HPR: variants seen among roughly 807,000 people sequenced by gnomAD.
The protein encoded by HPR is haptoglobin-related protein.
In HPR, 17 loss-of-function variants were observed where a neutral mutation model predicts 18.5. That is an observed-to-expected ratio of 0.92 (90% CI 0.63 to 1.38). HPR has a LOEUF of 1.38. HPR is among the 40% of genes most tolerant of loss of function. The pLI is 0.00. For missense variants in HPR, 457 were observed against 432.4 expected (o/e 1.06, Z -0.51); for synonymous variants, 176 against 165.0 (o/e 1.07, Z -0.51).
intron 1 of HPR, among the ~76,000 whole-genome samples, chr16:72,069,079 T>A (rs1409649901): frequency 6.6e-6 from 1 of 152,168 alleles, no homozygotes; most frequent in Non-Finnish European, 1.5e-5. Flanking sequence ...TCAAGAAAAT[T>A]GCCTAATAAT....
rs2041563196 is a variant in HPR at position 72,063,406 on chromosome 16, T to A, written c.5+146T>A. 5.2e-6 allele frequency: 5 copies of A among 952,548 alleles called. No individual in the cohort carries two copies. In the Admixed American group the frequency reaches 9.3e-5, roughly 18 times the overall value. 59.0% of individuals were successfully genotyped at this position (952,548 alleles called of 1,614,324 possible). A position where few individuals can be genotyped will look rare whatever the true frequency, so the allele number is the denominator to read the frequency against. The stretch of plus-strand genomic sequence containing the variant: ...GAACCAAAGGGCTTAGTGTGTTAAA[T>A]CTTCTCCTTTTCTGCATCCATAGAA... On this transcript the variant is annotated intron_variant, in intron 1 of 4. Coordinates refer to ENST00000540303, the MANE Select transcript of HPR (RefSeq NM_020995.4).
At chr16:72,072,721 C>T (rs1468620797) in intron 1 of HPR, among the ~76,000 whole-genome samples, 1 of 152,120 alleles carries the variant, frequency 6.6e-6, no homozygotes, top group East Asian at 1.9e-4. Flanking sequence ...ATTGAAACAG[C>T]TCTCCCCAAA....
At chr16:72,076,157 G>C in intron 4 of HPR, 146 bp from the exon 5 acceptor site, 1 of 1,464,682 alleles carries the variant, frequency 6.8e-7, no homozygotes, top group Non-Finnish European at 9.1e-7. Context: ...GCAACTATTG[G>C]AAATGAGATC....
At chr16:72,066,848 T>A (rs572450052) in intron 1 of HPR, among the ~76,000 whole-genome samples, 1 of 152,052 alleles carries the variant, frequency 6.6e-6, no homozygotes. Context: ...TCAAAACCAA[T>A]GTTATCTACT....
rs747522776 is a variant in HPR at position 72,076,502 on chromosome 16, G to A, written c.468G>A (p.Ala156=). ...LFLNHSENAT[A]KDIAPTLTLY... is the part of the protein sequence containing the mutation. Reference sequence around the variant, plus strand: ...TGAACCATTCAGAAAATGCAACAGCGAAAGACATTGCCCCTACTTTAACAC... The same window carrying A: ...TGAACCATTCAGAAAATGCAACAGCAAAAGACATTGCCCCTACTTTAACAC... The change falls in exon 5 of 5, where the codon GCG becomes GCA. Residue 156 remains alanine (A), a synonymous_variant. Transcript: ENST00000540303. 2.6e-5 allele frequency: 42 copies of A among 1,614,114 alleles called. 1 individual carries two copies. The South Asian group carries it at 2.7e-4, about 11-fold the overall frequency.
Position 72,074,398 on chromosome 16 carries a change from C to G in HPR, c.193+13C>G. The G allele has an allele frequency of 1.3e-6, 2 of 1,578,608 alleles. No individual in the cohort carries two copies. The highest frequency in any genetic ancestry group is 1.7e-6 in the Non-Finnish European group (2 of 1,147,638). ...ACAGAAGGAGATGGTAAGACCTGGA[C>G]AACTATCTCTGTGCTCTACCTACAA... On this transcript the variant is annotated intron_variant, in intron 3 of 4. Coordinates refer to ENST00000540303, the MANE Select transcript of HPR (RefSeq NM_020995.4).
intron 1 of HPR, among the ~76,000 whole-genome samples, chr16:72,066,502 C>T (rs2041599832): frequency 6.6e-6 from 1 of 152,076 alleles, no homozygotes; most frequent in Non-Finnish European, 1.5e-5. Flanking sequence ...AGAAAACATG[C>T]AGGACCTAAG....
intron 4 of HPR, among the ~76,000 whole-genome samples, chr16:72,075,813 CCTTT>C (rs2041714063): frequency 1.3e-5 from 2 of 151,924 alleles, no homozygotes; most frequent in South Asian, 4.1e-4. Context: ...AGCTCCTAGC[CCTTT>C]CTTTTTTCTT....
chr16:72,063,911 T>G (rs2041569225), intron 1 of HPR, among the ~76,000 whole-genome samples: 1 of 152,014 alleles, frequency 6.6e-6, no homozygotes, highest in Non-Finnish European at 1.5e-5. Context: ...CCCAGCTAAT[T>G]TTTGTATTTT....
chr16:72,071,227 T>C (rs1166791347), intron 1 of HPR, among the ~76,000 whole-genome samples: 2 of 152,140 alleles, frequency 1.3e-5, no homozygotes, highest in East Asian at 1.9e-4. Context: ...AAAGTAACGG[T>C]TGTAAAGGTA....
intron 1 of HPR, among the ~76,000 whole-genome samples, chr16:72,067,602 G>C (rs1343244895): frequency 6.6e-6 from 1 of 152,174 alleles, no homozygotes; most frequent in Admixed American, 6.5e-5. Context: ...ACTGAGGAAA[G>C]CTTCGAATTC....
rs144643298 is a variant in HPR, at chr16:72,075,779, T to C, written c.269-524T>C. Among the ~76,000 whole-genome samples, 766 of 152,278 alleles carry C rather than the reference T, an allele frequency of 5.0e-3. 23 individuals carry two copies. The highest frequency in any genetic ancestry group is 1.4e-3 in the South Asian group (7 of 4,832). ...GCCAATGCTGCTCTAGATTCCTCTT[T>C]CTTCAGAGATGATGAATTATTGTAG... On this transcript the variant is annotated intron_variant, in intron 4 of 4. Transcript: ENST00000540303.
rs1446182968 is a variant in HPR, at chr16:72,074,327, G to A, written c.135G>A (p.Val45=). 1.2e-6 allele frequency: 2 copies of A among 1,613,952 alleles called. No individual in the cohort carries two copies. Among genetic ancestry groups the A allele is most frequent in the African/African-American group, 1.3e-5 (1 of 74,916 alleles). Residue 45 remains valine, a synonymous_variant, in exon 3 of 5, where the codon GTG becomes GTA. Coordinates refer to ENST00000540303, the MANE Select transcript of HPR (RefSeq NM_020995.4). ...PKPPEIANGY[V]EHLFRYQCKN... ...CCCCTGAGATTGCAAATGGCTATGTGGAGCACTTGTTTCGCTACCAGTGTA... is the reference window on the plus strand; with the variant it reads ...CCCCTGAGATTGCAAATGGCTATGTAGAGCACTTGTTTCGCTACCAGTGTA...
intron 1 of HPR, among the ~76,000 whole-genome samples, chr16:72,065,006 C>T (rs556439610): frequency 4.6e-5 from 7 of 152,244 alleles, no homozygotes; most frequent in African/African-American, 1.2e-4. Context: ...TAAGAAATGT[C>T]GCAGGAGTGA....
chr16:72,073,858 C>T (rs2041684983), intron 1 of HPR, 34 bp from the exon 2 acceptor site: 1 of 1,613,382 alleles, frequency 6.2e-7, no homozygotes, highest in Non-Finnish European at 8.5e-7. Flanking sequence ...GCAGGGAGAC[C>T]AGCTTTCCGC....
At chr16:72,071,337 G>C (rs1371275812) in intron 1 of HPR, among the ~76,000 whole-genome samples, 5 of 152,202 alleles carry the variant, frequency 3.3e-5, no homozygotes, top group Non-Finnish European at 7.3e-5. Context: ...AAACAAATAT[G>C]AATGTTATGC....
At position 72,076,879 on chromosome 16, in the gene HPR, G is replaced by A. The variant is rs779934885; in HGVS notation, c.845G>A (p.Cys282Tyr). 5 of 1,614,126 alleles carry A rather than the reference G, an allele frequency of 3.1e-6. No individual in the cohort carries two copies. The highest frequency in any genetic ancestry group is 4.5e-5 in the East Asian group (2 of 44,900). ...VQPILNEHTF[C>Y]VGMSKYQEDT... is the part of the protein sequence containing the mutation. ...CCCATACTGAACGAACACACCTTCT[G>A]TGTCGGCATGTCTAAGTACCAGGAA... is the stretch of plus-strand genomic sequence containing the variant. The change falls in exon 5 of 5, where the codon TGT (cysteine) becomes TAT (tyrosine). Residue 282 changes from cysteine (C) to tyrosine (Y), a missense_variant. By Grantham distance (194) the Cys-to-Tyr change is radical. Transcript: ENST00000540303.
intron 1 of HPR, among the ~76,000 whole-genome samples, chr16:72,073,458 T>C (rs1273531350): frequency 6.6e-6 from 1 of 152,170 alleles, no homozygotes; most frequent in Non-Finnish European, 1.5e-5. Flanking sequence ...GTTCCCATCT[T>C]TGAGTTATCT....
At position 72,073,688 on chromosome 16, in the gene HPR, G is replaced by A. The variant is rs1334472797; in HGVS notation, c.6-204G>A. On this transcript the variant is annotated intron_variant, in intron 1 of 4. Coordinates refer to ENST00000540303, the MANE Select transcript of HPR (RefSeq NM_020995.4). Reference sequence around the variant, plus strand: ...CAGAAGCAGCTAAAGCGTGTATGTGGGGCGGAGGGTGGGGGCAACTTCTTG... The same window carrying A: ...CAGAAGCAGCTAAAGCGTGTATGTGAGGCGGAGGGTGGGGGCAACTTCTTG... 1.3e-5 allele frequency: 19 copies of A among 1,466,452 alleles called. No individual in the cohort carries two copies. The Admixed American group carries it at 3.9e-4, about 30-fold the overall frequency. The allele number at this position is 1,466,452 out of a possible 1,614,324, so 90.8% of individuals were successfully genotyped here.
Sources: allele counts gnomAD v4.1 joint callset (sites outside exome capture counted in the v4.1 genomes callset), GRCh38; gene constraint gnomAD v4.1.1; transcripts MANE v1.5; gene names NCBI Gene and HGNC (gene_info 2026-07-23, HGNC 2026-07-21).